The following SRI variants were observed in gnomAD, a reference collection of about 807,000 sequenced individuals.
SRI encodes the protein sorcin.
In SRI, 30 loss-of-function variants were observed where a neutral mutation model predicts 33.3. That is an observed-to-expected ratio of 0.90 (90% CI 0.67 to 1.22). The LOEUF (loss-of-function observed/expected upper bound fraction) is 1.22. Among genes scored for constraint, SRI ranks in the 50% most tolerant of loss-of-function variants. SRI has a pLI of 0.00. For missense variants in SRI, 243 were observed against 250.8 expected, an observed-to-expected ratio of 0.97 and a Z score of 0.21; for synonymous variants, 75 against 89.9, an observed-to-expected ratio of 0.83 and a Z score of 0.94.
intron 2 of SRI, among the ~76,000 whole-genome samples, chr7:88,217,394 G>A (rs1851755898): frequency 6.6e-6 from 1 of 152,102 alleles, no homozygotes. Context: ...ATTTAATGAT[G>A]AAAGAAAGAG....
chr7:88,209,861 C>G (rs1383296562), intron 5 of SRI, 122 bp downstream of exon 5: 4 of 1,322,684 alleles, frequency 3.0e-6, no homozygotes, highest in Admixed American at 1.7e-5. Flanking sequence ...GGCAATCCAC[C>G]CTCCTTGGCC....
intron 3 of SRI, among the ~76,000 whole-genome samples, chr7:88,213,747 T>A (rs780765104): frequency 8.5e-5 from 13 of 152,230 alleles, no homozygotes; most frequent in Non-Finnish European, 1.9e-4. Context: ...TGTAGAGCCC[T>A]GCACTTTATA....
chr7:88,207,434 A>C (rs566985153), intron 7 of SRI, among the ~76,000 whole-genome samples: 5 of 152,354 alleles, frequency 3.3e-5, no homozygotes, highest in African/African-American at 1.2e-4. Context: ...TAAACCAAAA[A>C]TACATGCATC....
intron 2 of SRI, 170 bp downstream of exon 2, chr7:88,218,689 A>G: frequency 1.7e-6 from 1 of 603,770 alleles, no homozygotes; most frequent in Non-Finnish European, 2.9e-6. Flanking sequence ...GTCCTCATTT[A>G]TTCTGAACAT....
chr7:88,226,184 A>G (rs1424897525), intron 1 of SRI, among the ~76,000 whole-genome samples: 1 of 152,094 alleles, frequency 6.6e-6, no homozygotes, highest in Non-Finnish European at 1.5e-5. Flanking sequence ...CTAAAAGCTA[A>G]TTTTTGCAAC....
Position 88,206,428 on chromosome 7 carries a change from G to A in SRI, c.*50C>T. On this transcript the variant is annotated 3_prime_UTR_variant, in exon 8 of 8. Coordinates refer to ENST00000265729, the MANE Select transcript of SRI (RefSeq NM_003130.4). ...ACCGAAGGCAAAGAGGACAAGCAAAGGAGAGCTCCAGTTGGAATGTTGATT... is the reference window on the plus strand; with the variant it reads ...ACCGAAGGCAAAGAGGACAAGCAAAAGAGAGCTCCAGTTGGAATGTTGATT... The A allele has an allele frequency of 6.2e-7, 1 of 1,610,024 alleles. No homozygotes were observed.
At chr7:88,221,551 C>T (rs1012802411), upstream of SRI, among the ~76,000 whole-genome samples, 4 of 152,178 alleles carry the variant, frequency 2.6e-5, no homozygotes, top group Non-Finnish European at 5.9e-5. Flanking sequence ...AAGCTCAAGA[C>T]TCAAGTTTGA....
intron 2 of SRI, among the ~76,000 whole-genome samples, chr7:88,218,013 G>A (rs896137253): frequency 2.6e-5 from 4 of 152,036 alleles, no homozygotes; most frequent in African/African-American, 4.8e-5. Flanking sequence ...CCTTAAAAGT[G>A]GTCTTAGGTT....
At chr7:88,210,701 T>G (rs1197936292) in intron 4 of SRI, 181 bp downstream of exon 4, 1 of 588,836 alleles carries the variant, frequency 1.7e-6, no homozygotes, top group Non-Finnish European at 3.0e-6. Flanking sequence ...ACATTCTGTT[T>G]ACTAAATTTC....
In SRI at chr7:88,206,166, AAAAT is replaced by A. The variant is rs956439114; in HGVS notation, c.*308_*311del. On this transcript the variant is annotated 3_prime_UTR_variant, in exon 8 of 8. Transcript: ENST00000265729. ...AACAGTTTTTAGTGTCTCACAATGA[AAAAT>A]AAATAATGTGACTTAAACATTTTGC... 11 of 390,024 alleles carry A rather than the reference AAAAT, an allele frequency of 2.8e-5. No individual in the cohort carries two copies. Among genetic ancestry groups the A allele is most frequent in the African/African-American group, 1.0e-4 (5 of 49,306 alleles). 24.2% of individuals were successfully genotyped at this position (390,024 alleles called of 1,614,324 possible). A position where few individuals can be genotyped will look rare whatever the true frequency, so the allele number is the denominator to read the frequency against.
chr7:88,212,304 A>G (rs1422224640), intron 3 of SRI, among the ~76,000 whole-genome samples: 2 of 152,326 alleles, frequency 1.3e-5, no homozygotes, highest in East Asian at 3.9e-4. Context: ...TGATCCACAG[A>G]TAATATTCTC....
At chr7:88,223,865 C>T (rs1851942036), upstream of SRI, among the ~76,000 whole-genome samples, 3 of 151,906 alleles carry the variant, frequency 2.0e-5, no homozygotes, top group South Asian at 6.2e-4. Flanking sequence ...TAAGATAAAG[C>T]CTATGGGTAG....
upstream of SRI, among the ~76,000 whole-genome samples, chr7:88,224,250 G>T (rs948656253): frequency 6.6e-6 from 1 of 152,206 alleles, no homozygotes; most frequent in Non-Finnish European, 1.5e-5. Context: ...ACAAACGGCA[G>T]TGTGGACACT....
rs773640514 is a variant in SRI, at chr7:88,208,575, AAC to A, written c.512-12_512-11del. 31 of 1,613,688 alleles carry A rather than the reference AAC, an allele frequency of 1.9e-5. 1 individual carries two copies. In the South Asian group the frequency reaches 3.1e-4, roughly 16 times the overall value. Reference sequence around the variant, plus strand: ...CGTCTTCGAAAGCTGTCTGTAAAACAACACAGTAAAATTTATGGTTTTTCTTT... The same window carrying A: ...CGTCTTCGAAAGCTGTCTGTAAAACAACAGTAAAATTTATGGTTTTTCTTT... On this transcript the variant is annotated splice_polypyrimidine_tract_variant and intron_variant, in intron 6 of 7. Coordinates refer to ENST00000265729, the MANE Select transcript of SRI (RefSeq NM_003130.4).
upstream of SRI, among the ~76,000 whole-genome samples, chr7:88,221,133 G>C (rs966909456): frequency 2.0e-5 from 3 of 152,130 alleles, no homozygotes; most frequent in Non-Finnish European, 4.4e-5. Context: ...ACATTTAAAG[G>C]GTCATCAACA....
rs984071122 is a variant in SRI, at chr7:88,206,518, C to T, written c.571-14G>A. ...ACATTGAATGAACTGAAAGAAAAATCAGCATTATATGACAGACCTCAAAGC... is the reference window on the plus strand; with the variant it reads ...ACATTGAATGAACTGAAAGAAAAATTAGCATTATATGACAGACCTCAAAGC... On this transcript the variant is annotated splice_polypyrimidine_tract_variant and intron_variant, in intron 7 of 7. Coordinates refer to ENST00000265729, the MANE Select transcript of SRI (RefSeq NM_003130.4). The T allele has an allele frequency of 6.2e-7, 1 of 1,613,694 alleles. No individual in the cohort carries two copies. Among genetic ancestry groups the T allele is most frequent in the Non-Finnish European group, 8.5e-7 (1 of 1,179,814 alleles).
intron 3 of SRI, among the ~76,000 whole-genome samples, chr7:88,213,234 G>C (rs1439356772): frequency 6.6e-6 from 1 of 152,130 alleles, no homozygotes; most frequent in Non-Finnish European, 1.5e-5. Flanking sequence ...AGTCTTTACA[G>C]TCAGGGGTAG....
intron 3 of SRI, among the ~76,000 whole-genome samples, chr7:88,213,267 C>A (rs78990464): frequency 1.3e-5 from 2 of 152,254 alleles, no homozygotes; most frequent in African/African-American, 2.4e-5. Context: ...TATGCAAAAC[C>A]CAGTATCAGT....
At position 88,208,576 on chromosome 7, in the gene SRI, A is replaced by C; in HGVS notation, c.512-11T>G. The C allele has an allele frequency of 3.7e-6, 6 of 1,613,750 alleles. No homozygotes were observed. The highest frequency in any genetic ancestry group is 5.1e-6 in the Non-Finnish European group (6 of 1,179,816). ...GTCTTCGAAAGCTGTCTGTAAAACA[A>C]CACAGTAAAATTTATGGTTTTTCTT... On this transcript the variant is annotated splice_polypyrimidine_tract_variant and intron_variant, in intron 6 of 7. Coordinates refer to ENST00000265729, the MANE Select transcript of SRI (RefSeq NM_003130.4).
Sources: allele counts gnomAD v4.1 joint callset (sites outside exome capture counted in the v4.1 genomes callset), GRCh38; gene constraint gnomAD v4.1.1; transcripts MANE v1.5; gene names NCBI Gene and HGNC (gene_info 2026-07-23, HGNC 2026-07-21).